GANC: variants seen among roughly 807,000 people sequenced by gnomAD.
The protein encoded by GANC is neutral alpha-glucosidase C.
In GANC, 117 loss-of-function variants were observed where a neutral mutation model predicts 124.2. That is an observed-to-expected ratio of 0.94 (90% CI 0.81 to 1.10). GANC has a LOEUF of 1.10. GANC is among the 50% of genes least tolerant of loss of function. The probability of loss-of-function intolerance (pLI) is 0.00; values close to 1 mark genes in which losing one functional copy is unlikely to be tolerated. For missense variants in GANC, 1,140 were observed against 1,095.0 expected (o/e 1.04, Z -0.58); for synonymous variants, 377 against 376.8 (o/e 1.00, Z -0.01).
intron 5 of GANC, 122 bp downstream of exon 5, chr15:42,293,039 G>A (rs1348987694): frequency 2.2e-6 from 2 of 892,542 alleles, no homozygotes; most frequent in Non-Finnish European, 3.4e-6. Context: ...CTCTAGTATT[G>A]TTCTGAGAAA....
chr15:42,306,113 G>T (rs564077716), intron 6 of GANC, among the ~76,000 whole-genome samples: 1 of 150,188 alleles, frequency 6.7e-6, no homozygotes, highest in African/African-American at 2.5e-5. Flanking sequence ...TGCAACCTCC[G>T]CCTCCCAGGT....
chr15:42,310,629 T>C (rs1191805336), intron 9 of GANC, 64 bp from the exon 10 acceptor site: 6 of 1,571,398 alleles, frequency 3.8e-6, no homozygotes, highest in Non-Finnish European at 5.2e-6. Flanking sequence ...CTGTTACTTA[T>C]ATGTGGCTGG....
chr15:42,286,578 T>C, intron 3 of GANC, among the ~76,000 whole-genome samples: 1 of 152,220 alleles, frequency 6.6e-6, no homozygotes, highest in Non-Finnish European at 1.5e-5. Flanking sequence ...CACTATTGCA[T>C]CATAACCCTG....
chr15:42,276,228 C>T, intron 1 of GANC, 120 bp from the exon 2 acceptor site: 4 of 609,102 alleles, frequency 6.6e-6, no homozygotes, highest in Non-Finnish European at 1.2e-5. Context: ...CACAATTTTG[C>T]ATTGCAGAAT....
At chr15:42,334,463 G>A (rs1169546622) in intron 15 of GANC, among the ~76,000 whole-genome samples, 1 of 152,096 alleles carries the variant, frequency 6.6e-6, no homozygotes, top group Non-Finnish European at 1.5e-5. Context: ...CACCTGGCCA[G>A]TAGAAAATCT....
rs370003771 is a variant in GANC, at chr15:42,316,468, T to C, written c.1058-5317T>C. 9.9e-5 allele frequency among the ~76,000 whole-genome samples: 15 copies of C among 152,254 alleles called. No homozygotes were observed. In the East Asian group the frequency reaches 2.1e-3, roughly 22 times the overall value. On this transcript the variant is annotated intron_variant, in intron 10 of 23. Transcript: ENST00000318010. ...GATCATGGGACGGGGGCCCTTCCCT[T>C]TTAGGCAGCCAAAGCAGAGAGGGAA...
chr15:42,346,718 C>CA (rs999174680), intron 20 of GANC, among the ~76,000 whole-genome samples: 3 of 151,970 alleles, frequency 2.0e-5, no homozygotes, highest in African/African-American at 4.8e-5. Flanking sequence ...AGGATTAAGG[C>CA]AAAAAACAGG....
intron 10 of GANC, chr15:42,313,930 C>A (rs1444977439): frequency 4.9e-6 from 3 of 611,368 alleles, no homozygotes; most frequent in Non-Finnish European, 8.7e-6. Flanking sequence ...CCCGCCTAGA[C>A]AACAGAGCGA....
chr15:42,311,075 T>G (rs2052045941), intron 10 of GANC, among the ~76,000 whole-genome samples: 1 of 152,240 alleles, frequency 6.6e-6, no homozygotes, highest in Non-Finnish European at 1.5e-5. Flanking sequence ...CCATCTGCTT[T>G]CCTTGAAGCT....
intron 3 of GANC, among the ~76,000 whole-genome samples, chr15:42,280,688 C>A (rs1284048837): frequency 2.0e-5 from 3 of 152,098 alleles, no homozygotes; most frequent in African/African-American, 7.2e-5. Flanking sequence ...AGCAAGAATC[C>A]CTATCCATTC....
Position 42,326,419 on chromosome 15 carries a change from G to T in GANC, c.1415G>T (p.Trp472Leu). The change falls in exon 12 of 24, where the codon TGG becomes TTG. Residue 472 changes from tryptophan to leucine, a missense_variant. Trp to Leu is a moderately conservative substitution (Grantham distance 61). Transcript: ENST00000318010. The part of the protein sequence containing the change: ...QEGEDFEGVC[W>L]PGLSSYLDFT... ...GGGGAAGACTTTGAAGGGGTGTGTT[G>T]GCCAGGTATGAAATCACTTTATACA... 1 of 1,613,902 alleles carries T rather than the reference G, an allele frequency of 6.2e-7. No individual in the cohort carries two copies. Among genetic ancestry groups the T allele is most frequent in the South Asian group, 1.1e-5 (1 of 91,066 alleles).
At chr15:42,307,967 CAG>C (rs2052014331) in intron 7 of GANC, among the ~76,000 whole-genome samples, 1 of 152,216 alleles carries the variant, frequency 6.6e-6, no homozygotes, top group South Asian at 2.1e-4. Flanking sequence ...GAAGAGGACA[CAG>C]AGAGCTTCAT....
chr15:42,327,063 T>G (rs1314099409), intron 12 of GANC, among the ~76,000 whole-genome samples: 1 of 152,198 alleles, frequency 6.6e-6, no homozygotes, highest in Non-Finnish European at 1.5e-5. Flanking sequence ...AAGAGATCAC[T>G]GCAGGATATT....
chr15:42,286,804 C>G (rs1201274128), intron 3 of GANC, among the ~76,000 whole-genome samples: 1 of 152,222 alleles, frequency 6.6e-6, no homozygotes, highest in African/African-American at 2.4e-5. Context: ...TGTCACACAA[C>G]TTACCGAGTT....
At chr15:42,276,240 G>C in intron 1 of GANC, 108 bp from the exon 2 acceptor site, 1 of 629,428 alleles carries the variant, frequency 1.6e-6, no homozygotes, top group Non-Finnish European at 2.9e-6. Flanking sequence ...TTGCAGAATA[G>C]ACTCCAAAGG....
intron 11 of GANC, among the ~76,000 whole-genome samples, chr15:42,324,509 T>A (rs989009753): frequency 1.3e-5 from 2 of 152,148 alleles, no homozygotes; most frequent in African/African-American, 4.8e-5. Context: ...TTAGTCACAG[T>A]AGTCAAAAGG....
intron 5 of GANC, among the ~76,000 whole-genome samples, chr15:42,293,559 C>T (rs2051864023): frequency 6.8e-6 from 1 of 147,556 alleles, no homozygotes; most frequent in South Asian, 2.1e-4. Flanking sequence ...AAAAATATCT[C>T]ATTTTCTCAT....
intron 21 of GANC, among the ~76,000 whole-genome samples, chr15:42,349,144 A>T (rs2141084787): frequency 6.6e-6 from 1 of 152,366 alleles, no homozygotes; most frequent in South Asian, 2.1e-4. Context: ...CATACTTCAC[A>T]GTTTAAATTC....
chr15:42,301,604 G>A (rs992025880), intron 6 of GANC, among the ~76,000 whole-genome samples: 2 of 152,156 alleles, frequency 1.3e-5, no homozygotes, highest in Admixed American at 6.5e-5. Context: ...GATCCACTGA[G>A]TTGAAATTCT....
Sources: allele counts gnomAD v4.1 joint callset (sites outside exome capture counted in the v4.1 genomes callset), GRCh38; gene constraint gnomAD v4.1.1; transcripts MANE v1.5; gene names NCBI Gene and HGNC (gene_info 2026-07-23, HGNC 2026-07-21).